Variants in MEIKIN observed in about 807,000 individuals in gnomAD.
MEIKIN encodes the protein meiotic kinetochore factor, also known as meiosis-specific kinetochore protein.
At chr5:131,921,761 A>T (rs1580908174) in intron 6 of MEIKIN, 61 bp downstream of exon 6, 1 of 398,512 alleles carries the variant, frequency 2.5e-6, no homozygotes, top group East Asian at 3.6e-5. Flanking sequence ...ATCATTCAAG[A>T]GAAAAAATAC....
chr5:131,923,809 T>C (rs111804273), intron 5 of MEIKIN, among the ~76,000 whole-genome samples: 187 of 152,088 alleles, frequency 1.2e-3, no homozygotes, highest in African/African-American at 4.0e-3. Context: ...GTTTAAACAT[T>C]TTAATATTTA....
chr5:131,808,609 T>C (rs1206496086), intron 12 of MEIKIN, among the ~76,000 whole-genome samples: 2 of 152,238 alleles, frequency 1.3e-5, no homozygotes, highest in Non-Finnish European at 2.9e-5. Context: ...GCATTATTTA[T>C]AAGTTCCTCT....
intron 11 of MEIKIN, among the ~76,000 whole-genome samples, chr5:131,830,928 C>T (rs992583993): frequency 1.3e-5 from 2 of 151,802 alleles, no homozygotes; most frequent in African/African-American, 2.4e-5. Flanking sequence ...GACAGAGTCT[C>T]ACTCTTTCAC....
chr5:131,817,741 T>TA (rs1340663183), intron 12 of MEIKIN, among the ~76,000 whole-genome samples: 1 of 152,172 alleles, frequency 6.6e-6, no homozygotes, highest in Middle Eastern at 3.4e-3. Context: ...AAGGAACTTA[T>TA]AAAAAAGGGA....
At chr5:131,883,767 TAAGA>T (rs898093487) in intron 8 of MEIKIN, among the ~76,000 whole-genome samples, 1 of 152,214 alleles carries the variant, frequency 6.6e-6, no homozygotes, top group Non-Finnish European at 1.5e-5. Context: ...TGGAAAAGGT[TAAGA>T]AAGACAGTCT....
intron 5 of MEIKIN, among the ~76,000 whole-genome samples, chr5:131,930,161 T>C (rs1751662681): frequency 6.6e-6 from 1 of 152,198 alleles, no homozygotes; most frequent in African/African-American, 2.4e-5. Context: ...GTGTATAAGC[T>C]TTCCCTTTTC....
intron 8 of MEIKIN, among the ~76,000 whole-genome samples, chr5:131,900,165 A>C (rs1010275772): frequency 6.6e-6 from 1 of 152,220 alleles, no homozygotes; most frequent in African/African-American, 2.4e-5. Context: ...TAAAACTACA[A>C]GTCAATAACA....
At chr5:131,920,424 G>A (rs1468648397) in intron 6 of MEIKIN, among the ~76,000 whole-genome samples, 5 of 152,200 alleles carry the variant, frequency 3.3e-5, no homozygotes, top group Non-Finnish European at 5.9e-5. Context: ...GCTAAAATTA[G>A]TGAAATAAAG....
At chr5:131,941,401 C>T (rs1466630632) in intron 4 of MEIKIN, among the ~76,000 whole-genome samples, 3 of 151,904 alleles carry the variant, frequency 2.0e-5, no homozygotes, top group East Asian at 1.9e-4. Context: ...TCAAGTCATC[C>T]GCCTGCTTTG....
At chr5:131,883,021 T>G (rs531561632) in intron 8 of MEIKIN, among the ~76,000 whole-genome samples, 1 of 152,350 alleles carries the variant, frequency 6.6e-6, no homozygotes, top group Admixed American at 6.5e-5. Context: ...TTATTTCTAT[T>G]TGACGTTATA....
rs141634995 is a variant in MEIKIN, at chr5:131,940,973, C to A, written c.349+1662G>T. On this transcript the variant is annotated intron_variant, in intron 4 of 12. Transcript: ENST00000442687. ...CCAACATTGACCCTTAAGAGCCAGC[C>A]CCCCCGATAGTTCACTTTGCTTGTG... Among the ~76,000 whole-genome samples the A allele has an allele frequency of 4.8e-3, 723 of 152,024 alleles. 8 individuals are homozygous for A. The highest frequency in any genetic ancestry group is 0.016 in the African/African-American group (677 of 41,454).
At chr5:131,872,073 C>T (rs1464109658) in intron 9 of MEIKIN, among the ~76,000 whole-genome samples, 9 of 151,910 alleles carry the variant, frequency 5.9e-5, no homozygotes, top group Non-Finnish European at 1.2e-4. Context: ...AAACTGGAAA[C>T]TCTAAAAATC....
At chr5:131,926,422 G>A (rs543900559) in intron 5 of MEIKIN, among the ~76,000 whole-genome samples, 2 of 152,232 alleles carry the variant, frequency 1.3e-5, no homozygotes, top group South Asian at 4.1e-4. Flanking sequence ...TTAATATAGA[G>A]ATGAATTTCA....
chr5:131,859,648 C>A (rs1250505021), intron 9 of MEIKIN, among the ~76,000 whole-genome samples: 1 of 152,172 alleles, frequency 6.6e-6, no homozygotes, highest in African/African-American at 2.4e-5. Flanking sequence ...AGCTGCAGAA[C>A]TGTGAGTCAA....
At position 131,937,427 on chromosome 5, in the gene MEIKIN, T is replaced by C. The variant is rs568369884; in HGVS notation, c.350-3786A>G. Among the ~76,000 whole-genome samples, 62 of 152,266 alleles carry C rather than the reference T, an allele frequency of 4.1e-4. 1 individual carries two copies. Among genetic ancestry groups the C allele is most frequent in the Non-Finnish European group, 8.4e-4 (57 of 68,024 alleles). Reference sequence around the variant, plus strand: ...CATCTTTTGGCAATGGTAGCAAGTTTAAACCATGCACAGGAAACCTCAACC... The same window carrying C: ...CATCTTTTGGCAATGGTAGCAAGTTCAAACCATGCACAGGAAACCTCAACC... On this transcript the variant is annotated intron_variant, in intron 4 of 12. Transcript: ENST00000442687.
At chr5:131,848,416 A>T (rs773703639) in intron 11 of MEIKIN, among the ~76,000 whole-genome samples, 18 of 152,206 alleles carry the variant, frequency 1.2e-4, no homozygotes, top group Non-Finnish European at 2.2e-4. Context: ...AACAAATTTG[A>T]TAACCTAGAT....
chr5:131,873,377 C>T (rs1411583014), intron 9 of MEIKIN, among the ~76,000 whole-genome samples: 1 of 152,070 alleles, frequency 6.6e-6, no homozygotes, highest in Non-Finnish European at 1.5e-5. Flanking sequence ...GACTTTAAAC[C>T]AACAAAGATC....
intron 8 of MEIKIN, among the ~76,000 whole-genome samples, chr5:131,889,631 T>C (rs2149633308): frequency 6.6e-6 from 1 of 152,366 alleles, no homozygotes; most frequent in South Asian, 2.1e-4. Flanking sequence ...TGGGGTTTTC[T>C]ACATATACAA....
intron 11 of MEIKIN, among the ~76,000 whole-genome samples, chr5:131,832,779 A>C (rs1749737049): frequency 6.6e-6 from 1 of 152,260 alleles, no homozygotes; most frequent in African/African-American, 2.4e-5. Context: ...GGCTTGCATC[A>C]TCTGAAGCCA....
Sources: allele counts gnomAD v4.1 joint callset (sites outside exome capture counted in the v4.1 genomes callset), GRCh38; gene constraint gnomAD v4.1.1; transcripts MANE v1.5; gene names NCBI Gene and HGNC (gene_info 2026-07-23, HGNC 2026-07-21).